Variants in RBP7 observed in about 807,000 individuals in gnomAD.
The protein encoded by RBP7 is retinoid-binding protein 7.
A neutral mutation model predicts 16.7 loss-of-function variants in RBP7; 13 were observed. The observed-to-expected ratio is 0.78, with a 90% CI of 0.51 to 1.24. The LOEUF (loss-of-function observed/expected upper bound fraction) is 1.24. RBP7 is among the 50% of genes most tolerant of loss of function. The probability of loss-of-function intolerance (pLI) is 0.00; values close to 1 mark genes in which losing one functional copy is unlikely to be tolerated. For missense variants in RBP7, 145 were observed against 159.5 expected, an observed-to-expected ratio of 0.91 and a Z score of 0.49; for synonymous variants, 54 against 56.2, an observed-to-expected ratio of 0.96 and a Z score of 0.17.
chr1:10,008,796 C>G (rs1642525409), intron 3 of RBP7, among the ~76,000 whole-genome samples: 1 of 152,064 alleles, frequency 6.6e-6, no homozygotes, highest in Non-Finnish European at 1.5e-5. Context: ...TGCCTATACT[C>G]ACTCTCATCT....
At chr1:10,000,840 A>G (rs1034652139) in intron 1 of RBP7, among the ~76,000 whole-genome samples, 3 of 151,658 alleles carry the variant, frequency 2.0e-5, no homozygotes, top group Non-Finnish European at 4.4e-5. Context: ...AGTTCAAGCA[A>G]TTCTCCTGCT....
intron 1 of RBP7, among the ~76,000 whole-genome samples, chr1:10,000,798 C>T (rs755666481): frequency 1.1e-4 from 16 of 151,786 alleles, no homozygotes; most frequent in African/African-American, 2.4e-4. Context: ...TGCAGTGGTG[C>T]GATCTCGGCT....
At chr1:10,005,568 GTTTT>G (rs891785466) in intron 1 of RBP7, among the ~76,000 whole-genome samples, 7 of 143,520 alleles carry the variant, frequency 4.9e-5, no homozygotes, top group Non-Finnish European at 9.3e-5. Context: ...TGTTGTTTGG[GTTTT>G]TTTTTTTTTG....
At chr1:10,006,726 CGTGTGT>C (rs139188536) in intron 1 of RBP7, among the ~76,000 whole-genome samples, 4 of 129,534 alleles carry the variant, frequency 3.1e-5, no homozygotes, top group African/African-American at 5.9e-5. Context: ...AAAGTATATA[CGTGTGT>C]GTGTGTGTGT....
chr1:10,007,225 G>T, intron 1 of RBP7: 1 of 291,324 alleles, frequency 3.4e-6, no homozygotes. Context: ...GGGATTACAG[G>T]TGTGAGCCAC....
At chr1:10,006,996 G>C in intron 1 of RBP7, 3 of 419,238 alleles carry the variant, frequency 7.2e-6, no homozygotes, top group Non-Finnish European at 1.4e-5. Flanking sequence ...GCTCAGGCTG[G>C]AGTGCAGTGG....
At chr1:10,001,921 C>T (rs547314975) in intron 1 of RBP7, among the ~76,000 whole-genome samples, 17 of 152,050 alleles carry the variant, frequency 1.1e-4, no homozygotes, top group African/African-American at 3.9e-4. Context: ...CTCCGTCTCC[C>T]GGGTTCAAGC....
rs560019580 is a variant in RBP7, at chr1:10,014,832, T to G, written c.355-950T>G. Among the ~76,000 whole-genome samples the G allele has an allele frequency of 2.6e-5, 4 of 152,256 alleles. No individual in the cohort carries two copies. In the South Asian group the frequency reaches 8.3e-4, roughly 32 times the overall value. ...ATTTGTAGCTGGTCAGTCAGAAATA[T>G]GGGAGGTCCCAAATTTGCGACAGGT... On this transcript the variant is annotated intron_variant, in intron 3 of 3. Coordinates refer to ENST00000294435, the MANE Select transcript of RBP7 (RefSeq NM_052960.3).
chr1:10,006,158 A>G (rs1642436622), intron 1 of RBP7, among the ~76,000 whole-genome samples: 1 of 152,122 alleles, frequency 6.6e-6, no homozygotes, highest in African/African-American at 2.4e-5. Context: ...CCAAACCCTG[A>G]TCTTCATCTT....
intron 3 of RBP7, among the ~76,000 whole-genome samples, chr1:10,012,896 G>A (rs1271231745): frequency 7.4e-6 from 1 of 135,582 alleles, no homozygotes; most frequent in African/African-American, 2.9e-5. Context: ...AGCCAAGATC[G>A]CGCCACGGCA....
intron 1 of RBP7, among the ~76,000 whole-genome samples, chr1:10,001,613 T>C (rs3125085): frequency 0.038 from 5,851 of 152,078 alleles, 355 homozygotes; most frequent in African/African-American, 0.13. Context: ...GAGTTCCTGG[T>C]GTACCCCCAC....
At chr1:10,004,923 G>A (rs1179155866) in intron 1 of RBP7, among the ~76,000 whole-genome samples, 2 of 152,108 alleles carry the variant, frequency 1.3e-5, no homozygotes, top group Admixed American at 6.6e-5. Flanking sequence ...AGCCTGGGAA[G>A]CAAAGGCTGC....
chr1:10,012,211 C>CAAA (rs35228920), intron 3 of RBP7, among the ~76,000 whole-genome samples: 1,323 of 50,688 alleles, frequency 0.026, 19 homozygotes, highest in Non-Finnish European at 0.039. Flanking sequence ...AACTCCATCT[C>CAAA]AAAAAAAAAA....
rs901208031 is a variant in RBP7, at chr1:10,009,785, G to A, written c.354+1511G>A. Among the ~76,000 whole-genome samples, 34 of 152,106 alleles carry A rather than the reference G, an allele frequency of 2.2e-4. 1 individual carries two copies. The highest frequency in any genetic ancestry group is 4.4e-5 in the Non-Finnish European group (3 of 68,034). Reference sequence around the variant, plus strand: ...GACCTCAAGTGATCAGCCCACCTGGGCCTCCCAAAGTGTTGGGATTACAGG... The same window carrying A: ...GACCTCAAGTGATCAGCCCACCTGGACCTCCCAAAGTGTTGGGATTACAGG... On this transcript the variant is annotated intron_variant, in intron 3 of 3. Coordinates refer to ENST00000294435, the MANE Select transcript of RBP7 (RefSeq NM_052960.3).
At chr1:10,000,052 G>GC (rs1642235511) in intron 1 of RBP7, among the ~76,000 whole-genome samples, 1 of 146,186 alleles carries the variant, frequency 6.8e-6, no homozygotes, top group Non-Finnish European at 1.5e-5. Flanking sequence ...ACATGGTGAA[G>GC]CCCCACCTCT....
intron 3 of RBP7, among the ~76,000 whole-genome samples, chr1:10,012,536 A>G (rs1042213475): frequency 6.6e-6 from 1 of 152,076 alleles, no homozygotes; most frequent in African/African-American, 2.4e-5. Context: ...ACTTGCCTGT[A>G]GTTCCAGTTA....
chr1:10,006,764 T>TAGAGAG lies in RBP7; in HGVS notation c.74-791_74-786dup, dbSNP rs1212966695. Among the ~76,000 whole-genome samples, 366 of 141,530 alleles carry TAGAGAG rather than the reference T, an allele frequency of 2.6e-3. 1 individual carries two copies. Among genetic ancestry groups the TAGAGAG allele is most frequent in the African/African-American group, 9.6e-3 (351 of 36,558 alleles). 92.8% of individuals were successfully genotyped at this position (141,530 alleles called of 152,430 possible). ...GTGTGTGTGTGTGTATATATATATA[T>TAGAGAG]AGAGAGAGAGAGAGAGAGAGGTATA... On this transcript the variant is annotated intron_variant, in intron 1 of 3. Transcript: ENST00000294435.
intron 3 of RBP7, among the ~76,000 whole-genome samples, chr1:10,008,861 A>AT (rs1482376218): frequency 6.6e-6 from 1 of 152,174 alleles, no homozygotes; most frequent in Non-Finnish European, 1.5e-5. Flanking sequence ...TAACATGCAA[A>AT]TACTCATGGA....
At chr1:10,003,440 A>C (rs1642335277) in intron 1 of RBP7, among the ~76,000 whole-genome samples, 1 of 152,158 alleles carries the variant, frequency 6.6e-6, no homozygotes, top group Non-Finnish European at 1.5e-5. Flanking sequence ...ATAAACAAAC[A>C]AACAAACAAA....
Sources: allele counts gnomAD v4.1 joint callset (sites outside exome capture counted in the v4.1 genomes callset), GRCh38; gene constraint gnomAD v4.1.1; transcripts MANE v1.5; gene names NCBI Gene and HGNC (gene_info 2026-07-23, HGNC 2026-07-21).